Variants in DENND1A observed in about 807,000 individuals in gnomAD.
The protein encoded by DENND1A is DENN domain containing 1A.
Under a neutral mutation model 113.7 loss-of-function variants are expected in DENND1A, and 51 were observed. The ratio of observed to expected loss-of-function variants is 0.45; its 90% CI spans 0.36 to 0.57. The LOEUF is 0.57. Among genes scored for constraint, DENND1A ranks in the 20% least tolerant of loss-of-function variants. The pLI, the probability that DENND1A is intolerant of heterozygous loss-of-function variation, is 0.00. For synonymous variants in DENND1A, 565 were observed against 570.8 expected (o/e 0.99, Z 0.14); for missense variants, 1,258 against 1,395.9 (o/e 0.90, Z 1.57).
chr9:123,705,650 T>C (rs1392321799), intron 5 of DENND1A, among the ~76,000 whole-genome samples: 2 of 152,164 alleles, frequency 1.3e-5, no homozygotes, highest in Non-Finnish European at 2.9e-5. Context: ...TTGAAGTGTT[T>C]TTAAAAGATA....
chr9:123,625,840 A>T (rs1389967106), intron 10 of DENND1A, among the ~76,000 whole-genome samples: 3 of 152,210 alleles, frequency 2.0e-5, no homozygotes, highest in African/African-American at 7.2e-5. Flanking sequence ...ATCCCTGCAG[A>T]AGCCCCGGGT....
intron 18 of DENND1A, among the ~76,000 whole-genome samples, chr9:123,446,065 C>T (rs1046629287): frequency 2.0e-5 from 3 of 152,170 alleles, no homozygotes; most frequent in African/African-American, 7.2e-5. Flanking sequence ...AGTTAACATC[C>T]TACACAACCA....
At chr9:123,761,019 A>G (rs1049583370) in intron 4 of DENND1A, among the ~76,000 whole-genome samples, 2 of 152,202 alleles carry the variant, frequency 1.3e-5, no homozygotes, top group African/African-American at 2.4e-5. Context: ...AAGGGTATCG[A>G]TAGGACTCGA....
intron 5 of DENND1A, among the ~76,000 whole-genome samples, chr9:123,679,873 G>A (rs1383010941): frequency 2.0e-5 from 3 of 152,102 alleles, no homozygotes; most frequent in African/African-American, 4.8e-5. Flanking sequence ...GACATCTAAC[G>A]GGGTGCGACC....
At chr9:123,675,203 A>T (rs762098569) in intron 6 of DENND1A, among the ~76,000 whole-genome samples, 11 of 152,102 alleles carry the variant, frequency 7.2e-5, no homozygotes, top group Non-Finnish European at 1.3e-4. Flanking sequence ...ATCTATCTCT[A>T]AAAAAATGAT....
At chr9:123,674,132 C>T (rs974983852) in intron 6 of DENND1A, among the ~76,000 whole-genome samples, 2 of 152,140 alleles carry the variant, frequency 1.3e-5, no homozygotes, top group Admixed American at 1.3e-4. Flanking sequence ...ACATCCTTCT[C>T]TCCCTCAGGC....
chr9:123,558,447 G>A (rs972669473), intron 12 of DENND1A, among the ~76,000 whole-genome samples: 20 of 152,292 alleles, frequency 1.3e-4, no homozygotes, highest in African/African-American at 4.8e-4. Flanking sequence ...CGGAAGTGAT[G>A]GTAATGGGCA....
chr9:123,606,656 G>T (rs1007972558), intron 11 of DENND1A, among the ~76,000 whole-genome samples: 1 of 152,216 alleles, frequency 6.6e-6, no homozygotes, highest in African/African-American at 2.4e-5. Context: ...GCCTATTAGA[G>T]GGCTTCTAAA....
intron 2 of DENND1A, among the ~76,000 whole-genome samples, chr9:123,873,601 A>G (rs1846986929): frequency 6.6e-6 from 1 of 152,248 alleles, no homozygotes; most frequent in Non-Finnish European, 1.5e-5. Context: ...ATTGTAGTAA[A>G]TAAGTTTTAT....
intron 13 of DENND1A, among the ~76,000 whole-genome samples, chr9:123,544,044 T>C (rs968840585): frequency 7.9e-5 from 12 of 152,248 alleles, no homozygotes; most frequent in Non-Finnish European, 8.8e-5. Context: ...AATTCCATTG[T>C]TAATACAATC....
chr9:123,705,098 G>A (rs2066114478), intron 5 of DENND1A, among the ~76,000 whole-genome samples: 1 of 151,390 alleles, frequency 6.6e-6, no homozygotes, highest in South Asian at 2.1e-4. Context: ...ACACATGAGA[G>A]ACAAAGCACT....
chr9:123,732,683 A>G (rs1395216741), intron 5 of DENND1A, among the ~76,000 whole-genome samples: 2 of 152,240 alleles, frequency 1.3e-5, no homozygotes, highest in Non-Finnish European at 2.9e-5. Flanking sequence ...AATTAAAAAT[A>G]AAAATAGAAA....
At chr9:123,529,640 C>A (rs560646658) in intron 13 of DENND1A, among the ~76,000 whole-genome samples, 2 of 152,290 alleles carry the variant, frequency 1.3e-5, no homozygotes, top group South Asian at 4.1e-4. Context: ...TTCTCAGAAA[C>A]AAGTTAGAAT....
intron 1 of DENND1A, among the ~76,000 whole-genome samples, chr9:123,903,801 G>T (rs993838750): frequency 6.6e-6 from 1 of 151,792 alleles, no homozygotes; most frequent in Admixed American, 6.6e-5. Context: ...GGGGAGGGGC[G>T]CCCGCCATTG....
rs115842404 is a variant in DENND1A, at chr9:123,483,596, T to C, written c.994-25699A>G. Among the ~76,000 whole-genome samples, 1,241 of 152,328 alleles carry C rather than the reference T, an allele frequency of 8.1e-3. 22 individuals carry two copies. Among genetic ancestry groups the C allele is most frequent in the African/African-American group, 0.028 (1,155 of 41,576 alleles). On this transcript the variant is annotated intron_variant, in intron 13 of 23. Coordinates refer to ENST00000394215, the MANE Select transcript of DENND1A (RefSeq NM_001352964.2). The stretch of plus-strand genomic sequence containing the variant: ...CAAGTCTGCCAGGGTCTGTTCCGGG[T>C]TCCATGTGTGGTGACTGATGTCTTG...
At chr9:123,644,442 A>ATAT (rs754280842) in intron 9 of DENND1A, among the ~76,000 whole-genome samples, 1,867 of 151,294 alleles carry the variant, frequency 0.012, 20 homozygotes, top group South Asian at 0.029. Flanking sequence ...TTTTCACCCA[A>ATAT]ACCAACAGCA....
At chr9:123,508,152 A>G (rs2053132167) in intron 13 of DENND1A, among the ~76,000 whole-genome samples, 1 of 152,248 alleles carries the variant, frequency 6.6e-6, no homozygotes, top group African/African-American at 2.4e-5. Context: ...GTCCAGAGCC[A>G]GTGTTATACA....
chr9:123,844,258 T>G (rs1343568582), intron 2 of DENND1A, among the ~76,000 whole-genome samples: 1 of 152,038 alleles, frequency 6.6e-6, no homozygotes, highest in Admixed American at 6.6e-5. Context: ...TCATCAAGAA[T>G]AGAAAGAAAG....
intron 9 of DENND1A, among the ~76,000 whole-genome samples, chr9:123,649,526 T>C (rs1474717411): frequency 9.2e-5 from 14 of 152,220 alleles, no homozygotes; most frequent in Admixed American, 9.2e-4. Context: ...CTTGAGATGT[T>C]TGATAAAACA....
Sources: gnomAD v4.1 joint callset for allele counts (sites outside exome capture counted in the v4.1 genomes callset) on GRCh38, gnomAD v4.1.1 for gene constraint, MANE v1.5 for transcripts, NCBI Gene and HGNC (gene_info 2026-07-23, HGNC 2026-07-21) for gene names.